The following POLR2B variants were observed in gnomAD, a reference collection of about 807,000 sequenced individuals.
POLR2B encodes DNA-directed RNA polymerase II subunit RPB2.
Under a neutral mutation model 144.6 loss-of-function variants are expected in POLR2B, and 57 were observed. That is an observed-to-expected ratio of 0.39 (90% confidence interval 0.32 to 0.49). The LOEUF (loss-of-function observed/expected upper bound fraction) is 0.49, where lower values mean the gene tolerates loss of function less well. POLR2B is among the 20% of genes least tolerant of loss of function. POLR2B has a pLI of 0.83. For synonymous variants in POLR2B, 442 were observed against 469.8 expected, an observed-to-expected ratio of 0.94 and a Z score of 0.77; for missense variants, 595 against 1,467.4, an observed-to-expected ratio of 0.41 and a Z score of 9.71.
At chr4:57,004,020 CTTTTTTTTTTTTTTT>C (rs138828073) in intron 7 of POLR2B, among the ~76,000 whole-genome samples, 1 of 72,336 alleles carries the variant, frequency 1.4e-5, no homozygotes, top group Non-Finnish European at 2.4e-5. Flanking sequence ...TAAATTAAAT[CTTTTTTTTTTTTTTT>C]TTTTTTTTTG....
chr4:57,015,768 A>G (rs993063885), intron 14 of POLR2B, 112 bp downstream of exon 14: 3 of 322,014 alleles, frequency 9.3e-6, no homozygotes, highest in Admixed American at 5.4e-5. Flanking sequence ...TTATTTATTT[A>G]TTTATTTTTT....
chr4:57,023,385 G>C lies in POLR2B; in HGVS notation c.2571G>C (p.Gly857=). The change falls in exon 19 of 25, where the codon GGG becomes GGC. Residue 857 remains glycine (G), a synonymous_variant. Coordinates refer to ENST00000314595, the MANE Select transcript of POLR2B (RefSeq NM_000938.3). The surrounding 1 kb of genome is among the most constrained non-coding windows in gnomAD (Gnocchi z 4.3). ...ATGATGATGGTTTGATAGCTCCAGG[G>C]GTTCGTGTATCAGGAGATGATGTTA... ...KLDDDGLIAP[G]VRVSGDDVII... 2 of 1,613,802 alleles carry C rather than the reference G, an allele frequency of 1.2e-6. No homozygotes were observed. The highest frequency in any genetic ancestry group is 8.5e-7 in the Non-Finnish European group (1 of 1,179,748).
intron 7 of POLR2B, among the ~76,000 whole-genome samples, chr4:57,001,782 G>C (rs1400475673): frequency 2.6e-5 from 4 of 152,090 alleles, no homozygotes; most frequent in Non-Finnish European, 5.9e-5. Flanking sequence ...TAAATGTCCA[G>C]TTCCTTATAA....
chr4:56,998,180 A>G (rs771877725), intron 6 of POLR2B, among the ~76,000 whole-genome samples: 6 of 151,464 alleles, frequency 4.0e-5, no homozygotes, highest in Non-Finnish European at 5.9e-5. Flanking sequence ...TTTAGATAAG[A>G]TTTTTGGGGA....
chr4:56,998,915 G>A (rs1180661562), intron 6 of POLR2B, among the ~76,000 whole-genome samples: 1 of 151,946 alleles, frequency 6.6e-6, no homozygotes. Flanking sequence ...GTTATTAGAG[G>A]GATTATAGTA....
intron 1 of POLR2B, among the ~76,000 whole-genome samples, chr4:56,980,481 G>T (rs1054479291): frequency 6.6e-6 from 1 of 152,130 alleles, no homozygotes; most frequent in African/African-American, 2.4e-5. Context: ...CAGCATTTTG[G>T]GAGTCTGAGG....
intron 7 of POLR2B, among the ~76,000 whole-genome samples, chr4:57,004,063 G>A (rs1346340233): frequency 4.8e-5 from 5 of 104,686 alleles, no homozygotes; most frequent in African/African-American, 1.9e-4. Context: ...GTCTCACTCT[G>A]TTACCCAAGA....
chr4:57,015,713 AC>A, intron 14 of POLR2B, 57 bp downstream of exon 14: 1 of 728,292 alleles, frequency 1.4e-6, no homozygotes, highest in Non-Finnish European at 2.1e-6. Context: ...GAATTTACAT[AC>A]TGTAAAATTA....
intron 24 of POLR2B, 78 bp from the exon 25 acceptor site, chr4:57,030,821 C>A: frequency 1.2e-6 from 1 of 806,734 alleles, no homozygotes; most frequent in Non-Finnish European, 2.2e-6. Context: ...AGTACCAGAT[C>A]TTTGTCTTTT....
At chr4:57,008,325 C>A (rs1351605098) in intron 10 of POLR2B, among the ~76,000 whole-genome samples, 1 of 151,864 alleles carries the variant, frequency 6.6e-6, no homozygotes, top group African/African-American at 2.4e-5. Context: ...GCCTCAGCCT[C>A]CCGAGTAGCT....
rs1290590964 is a variant in POLR2B at position 57,007,025 on chromosome 4, C to T, written c.1404+23C>T. 3 of 1,519,122 alleles carry T rather than the reference C, an allele frequency of 2.0e-6. No individual in the cohort carries two copies. The Admixed American group carries it at 5.3e-5, about 27-fold the overall frequency. The allele number at this position is 1,519,122 out of a possible 1,614,324, so 94.1% of individuals were successfully genotyped here. ...CAGGTAAGTGTGCCAACTATGACTA[C>T]AGGCTCAATAGGAAACATGTTTATA... On this transcript the variant is annotated intron_variant, in intron 10 of 24. Coordinates refer to ENST00000314595, the MANE Select transcript of POLR2B (RefSeq NM_000938.3).
chr4:57,004,354 T>A (rs1246902614), intron 7 of POLR2B, among the ~76,000 whole-genome samples: 2 of 2,116 alleles, frequency 9.5e-4, no homozygotes, highest in Non-Finnish European at 1.6e-3. Flanking sequence ...CAGCAAATCT[T>A]TTTTTTTTTT....
At chr4:56,982,759 T>C (rs1043563067) in intron 1 of POLR2B, among the ~76,000 whole-genome samples, 2 of 152,120 alleles carry the variant, frequency 1.3e-5, no homozygotes, top group Non-Finnish European at 2.9e-5. Flanking sequence ...GCCTAGGGTA[T>C]ATAACAGTGC....
chr4:57,021,058 A>G lies in POLR2B; in HGVS notation c.2420+63A>G, dbSNP rs972203687. 30 of 899,768 alleles carry G rather than the reference A, an allele frequency of 3.3e-5. No homozygotes were observed. The African/African-American group carries it at 4.6e-4, about 14-fold the overall frequency. The allele number at this position is 899,768 out of a possible 1,614,324, so 55.7% of individuals were successfully genotyped here. On this transcript the variant is annotated intron_variant, in intron 17 of 24. Transcript: ENST00000314595. ...TGGAAACACTAATTTTTTATGCAAA[A>G]AAAGTTCTTAAAATACAGTTTAACT...
intron 6 of POLR2B, 149 bp from the exon 7 acceptor site, chr4:56,999,468 A>G: frequency 2.3e-6 from 1 of 438,086 alleles, no homozygotes; most frequent in South Asian, 6.5e-5. Flanking sequence ...TTTGAAAAGC[A>G]GTCATAGGAG....
intron 23 of POLR2B, among the ~76,000 whole-genome samples, chr4:57,027,474 T>C (rs1256935932): frequency 1.3e-5 from 2 of 152,040 alleles, no homozygotes; most frequent in Non-Finnish European, 2.9e-5. Flanking sequence ...CCCAGCTAAT[T>C]TTTTATATTT....
chr4:56,986,287 C>T (rs757256155), intron 1 of POLR2B, 67 bp from the exon 2 acceptor site: 6 of 902,656 alleles, frequency 6.6e-6, no homozygotes, highest in Admixed American at 5.1e-5. Flanking sequence ...TACTTAAAGT[C>T]ATAGGAGCAA....
At chr4:57,022,339 GCCCCTGTCCTCCTCTC>G in intron 18 of POLR2B, 93 bp downstream of exon 18, 1 of 717,414 alleles carries the variant, frequency 1.4e-6, no homozygotes, top group Admixed American at 2.5e-5. Flanking sequence ...CCCTGTGCCT[GCCCCTGTCCTCCTCTC>G]CCTTTTTTTG....
chr4:56,980,813 CTT>C (rs750717935), intron 1 of POLR2B, among the ~76,000 whole-genome samples: 5 of 143,640 alleles, frequency 3.5e-5, no homozygotes, highest in Admixed American at 1.4e-4. Context: ...TCCACAGTTT[CTT>C]TTTTTTTTTT....
Sources: gnomAD v4.1 joint callset for allele counts (sites outside exome capture counted in the v4.1 genomes callset) on GRCh38, gnomAD v4.1.1 for gene constraint, Gnocchi (gnomAD v3.1) non-coding constraint, MANE v1.5 for transcripts, NCBI Gene and HGNC (gene_info 2026-07-23, HGNC 2026-07-21) for gene names.